COL25A1: variants seen among roughly 807,000 people sequenced by gnomAD.
COL25A1 encodes the protein collagen type XXV alpha 1 chain, also known as collagen alpha-1(XXV) chain.
COL25A1 carries 103 observed loss-of-function variants against 128.4 expected under a neutral mutation model. The observed-to-expected ratio is 0.80, with a 90% CI of 0.68 to 0.94. The LOEUF (loss-of-function observed/expected upper bound fraction) is 0.94. COL25A1 is among the 40% of genes least tolerant of loss of function. The probability of loss-of-function intolerance (pLI) is 0.00; values close to 1 mark genes in which losing one functional copy is unlikely to be tolerated. For synonymous variants in COL25A1, 279 were observed against 277.2 expected (o/e 1.01, Z -0.06); for missense variants, 745 against 840.0 (o/e 0.89, Z 1.40).
intron 6 of COL25A1, among the ~76,000 whole-genome samples, chr4:108,978,186 C>T (rs1489179416): frequency 6.6e-6 from 1 of 152,218 alleles, no homozygotes; most frequent in African/African-American, 2.4e-5. Context: ...TGTTTCTGAG[C>T]AGACAGTATG....
In COL25A1 at chr4:109,301,801, A is replaced by C; in HGVS notation, c.219T>G (p.Pro73=). 6.2e-7 allele frequency: 1 copy of C among 1,614,216 alleles called. No individual in the cohort carries two copies. Among genetic ancestry groups the C allele is most frequent in the African/African-American group, 1.3e-5 (1 of 75,056 alleles). ...IAALESAKGA[P]SIHLLPDTLD... ...GGGTATCAGGCAGCAGATGAATGGA[A>C]GGGGCCCCTTTGGCGGATTCGAGAG... is the stretch of plus-strand genomic sequence containing the variant. The change falls in exon 2 of 38, where the codon CCT becomes CCG. Residue 73 remains proline, a synonymous_variant. Coordinates refer to ENST00000399132, the MANE Select transcript of COL25A1 (RefSeq NM_198721.4).
intron 16 of COL25A1, among the ~76,000 whole-genome samples, chr4:108,893,478 G>C (rs940312388): frequency 6.6e-6 from 1 of 152,016 alleles, no homozygotes; most frequent in Admixed American, 6.6e-5. Flanking sequence ...TTAAATCTAG[G>C]GTGTACCATG....
chr4:109,097,811 G>C (rs548671355), intron 3 of COL25A1, among the ~76,000 whole-genome samples: 1 of 151,278 alleles, frequency 6.6e-6, no homozygotes, highest in Non-Finnish European at 1.5e-5. Flanking sequence ...CCACAGGTGC[G>C]CACCACCACG....
chr4:109,211,428 T>C (rs1350009890), intron 3 of COL25A1, among the ~76,000 whole-genome samples: 1 of 139,454 alleles, frequency 7.2e-6, no homozygotes, highest in East Asian at 2.1e-4. Context: ...TCCTGTTTGC[T>C]AGCTGTTCAC....
intron 13 of COL25A1, among the ~76,000 whole-genome samples, chr4:108,906,786 A>G (rs757056704): frequency 6.6e-6 from 1 of 152,148 alleles, no homozygotes; most frequent in Non-Finnish European, 1.5e-5. Context: ...AACTTGGTCT[A>G]TTTTGCTCAT....
intron 6 of COL25A1, among the ~76,000 whole-genome samples, chr4:108,998,004 C>T (rs1385193451): frequency 6.6e-6 from 1 of 151,980 alleles, no homozygotes; most frequent in Non-Finnish European, 1.5e-5. Context: ...TATGACAAAC[C>T]CACAGGCAAT....
chr4:109,281,363 C>A (rs914851458), intron 3 of COL25A1, among the ~76,000 whole-genome samples: 1 of 149,486 alleles, frequency 6.7e-6, no homozygotes, highest in Admixed American at 6.7e-5. Flanking sequence ...CATACTTCCA[C>A]ATCAGCTCCT....
chr4:109,128,628 C>T (rs953622824), intron 3 of COL25A1, among the ~76,000 whole-genome samples: 1 of 152,154 alleles, frequency 6.6e-6, no homozygotes, highest in South Asian at 2.1e-4. Flanking sequence ...TTGTTTGGTG[C>T]CCTGCAAATA....
intron 3 of COL25A1, among the ~76,000 whole-genome samples, chr4:109,235,172 G>A (rs1779390040): frequency 6.6e-6 from 1 of 152,034 alleles, no homozygotes; most frequent in African/African-American, 2.4e-5. Context: ...CTCAGAGATT[G>A]CTAAGTGAGA....
intron 3 of COL25A1, among the ~76,000 whole-genome samples, chr4:109,139,031 T>C (rs976552526): frequency 6.6e-6 from 1 of 152,186 alleles, no homozygotes; most frequent in Non-Finnish European, 1.5e-5. Context: ...TGAGATGGTA[T>C]CTCATTGTGG....
At chr4:108,965,180 G>C (rs1032223535) in intron 8 of COL25A1, among the ~76,000 whole-genome samples, 19 of 152,144 alleles carry the variant, frequency 1.2e-4, no homozygotes, top group Non-Finnish European at 2.2e-4. Flanking sequence ...TATCAGTTTT[G>C]CATAGTCCCA....
At chr4:109,077,589 G>T (rs1763492743) in intron 3 of COL25A1, among the ~76,000 whole-genome samples, 1 of 152,186 alleles carries the variant, frequency 6.6e-6, no homozygotes, top group South Asian at 2.1e-4. Context: ...GTGTGTATTA[G>T]AAGCCCAATG....
At chr4:108,981,471 G>A (rs953358494) in intron 6 of COL25A1, among the ~76,000 whole-genome samples, 2 of 152,104 alleles carry the variant, frequency 1.3e-5, no homozygotes, top group South Asian at 4.1e-4. Flanking sequence ...AGGAGTTCCC[G>A]TATGTAAGTA....
intron 17 of COL25A1, 86 bp from the exon 18 acceptor site, chr4:108,889,342 G>T: frequency 7.9e-7 from 1 of 1,258,438 alleles, no homozygotes; most frequent in Non-Finnish European, 1.2e-6. Flanking sequence ...TCACAGGGAT[G>T]GCCTAGCCCC....
chr4:108,982,818 T>C (rs529440192), intron 6 of COL25A1, among the ~76,000 whole-genome samples: 2 of 152,284 alleles, frequency 1.3e-5, no homozygotes, highest in South Asian at 4.2e-4. Flanking sequence ...AGATCATAAC[T>C]ATAAGGTTTT....
At chr4:108,959,907 C>T (rs1201489309) in intron 8 of COL25A1, among the ~76,000 whole-genome samples, 1 of 152,094 alleles carries the variant, frequency 6.6e-6, no homozygotes, top group Non-Finnish European at 1.5e-5. Flanking sequence ...AATAGATCTC[C>T]AGATATTCCC....
intron 30 of COL25A1, 140 bp from the exon 31 acceptor site, chr4:108,841,861 G>A (rs1734500297): frequency 7.3e-6 from 5 of 686,618 alleles, no homozygotes; most frequent in African/African-American, 1.8e-5. Flanking sequence ...GCTAGTGGAT[G>A]TTATTTATTA....
chr4:109,155,554 C>T (rs548223591), intron 3 of COL25A1, among the ~76,000 whole-genome samples: 4 of 152,120 alleles, frequency 2.6e-5, no homozygotes, highest in African/African-American at 2.4e-5. Context: ...TTAAAAGTAA[C>T]GCACTAAACA....
intron 3 of COL25A1, among the ~76,000 whole-genome samples, chr4:109,169,168 C>T (rs1773349693): frequency 6.6e-6 from 1 of 152,210 alleles, no homozygotes; most frequent in Non-Finnish European, 1.5e-5. Context: ...ACTTCATTCA[C>T]TCAGTGTGTC....
Sources: gnomAD v4.1 joint callset for allele counts (sites outside exome capture counted in the v4.1 genomes callset) on GRCh38, gnomAD v4.1.1 for gene constraint, MANE v1.5 for transcripts, NCBI Gene and HGNC (gene_info 2026-07-23, HGNC 2026-07-21) for gene names.